The following SMIM27 variants were observed in gnomAD, a reference collection of about 807,000 sequenced individuals.
SMIM27 encodes transition zone microprotein 1.
In SMIM27, 3 loss-of-function variants were observed where a neutral mutation model predicts 1.8. The ratio of observed to expected loss-of-function variants is 1.65; its 90% CI spans 0.75 to 4.28. SMIM27 has a LOEUF of 4.28. SMIM27 is among the 30% of genes most tolerant of loss of function. SMIM27 has a pLI of 0.02. For synonymous variants in SMIM27, 19 were observed against 13.9 expected (o/e 1.37, Z -0.82); for missense variants, 63 against 37.0 (o/e 1.70, Z -1.83).
At chr9:32,558,192 A>G (rs1821525071) in intron 1 of SMIM27, among the ~76,000 whole-genome samples, 2 of 149,342 alleles carry the variant, frequency 1.3e-5, no homozygotes, top group Non-Finnish European at 3.0e-5. Context: ...GCTCACTGCA[A>G]GCTCCACCTC....
chr9:32,556,844 TAC>T (rs1375590875), downstream of SMIM27, among the ~76,000 whole-genome samples: 254 of 131,352 alleles, frequency 1.9e-3, no homozygotes, highest in Admixed American at 4.6e-3. Context: ...AGAAATCCCC[TAC>T]TTTTTTTTTT....
chr9:32,565,239 G>T (rs1158801175), intron 1 of SMIM27, among the ~76,000 whole-genome samples: 1 of 151,814 alleles, frequency 6.6e-6, no homozygotes. Context: ...GTCGCAGTGA[G>T]CCGAGATCGC....
chr9:32,556,100 T>A (rs992480434), downstream of SMIM27, among the ~76,000 whole-genome samples: 1 of 152,136 alleles, frequency 6.6e-6, no homozygotes, highest in African/African-American at 2.4e-5. Context: ...CGGGGTGCAA[T>A]GATGGAATGG....
chr9:32,553,831 G>A, downstream of SMIM27: 1 of 1,258,264 alleles, frequency 7.9e-7, no homozygotes. Flanking sequence ...TGGTAATATA[G>A]GAACAAACTT....
At chr9:32,563,526 G>A (rs1425810263) in intron 1 of SMIM27, among the ~76,000 whole-genome samples, 1 of 136,502 alleles carries the variant, frequency 7.3e-6, no homozygotes, top group Non-Finnish European at 1.6e-5. Flanking sequence ...GTCTCATTAT[G>A]TTGCCCAGGT....
At chr9:32,560,525 T>C (rs1459225827) in intron 1 of SMIM27, among the ~76,000 whole-genome samples, 1 of 152,164 alleles carries the variant, frequency 6.6e-6, no homozygotes, top group African/African-American at 2.4e-5. Flanking sequence ...TTGATCAGAG[T>C]TTGTAATGTG....
downstream of SMIM27, chr9:32,553,046 T>TA (rs1265442602): frequency 1.9e-5 from 10 of 538,492 alleles, no homozygotes; most frequent in African/African-American, 1.9e-4. Context: ...TAACAAGCAC[T>TA]AGTATGCAAA....
downstream of SMIM27, chr9:32,553,746 A>G (rs1821372313): frequency 3.0e-6 from 2 of 668,982 alleles, no homozygotes; most frequent in Non-Finnish European, 5.2e-6. Flanking sequence ...AAATTGTACA[A>G]TGCTTGAAAA....
chr9:32,552,928 T>C lies in SMIM27; in HGVS notation c.*5T>C. Reference sequence around the variant, plus strand: ...GGGACGAATGAAAATTTGTAACTCTTCTGGATTTAATTATCTGAAAATACA... The same window carrying C: ...GGGACGAATGAAAATTTGTAACTCTCCTGGATTTAATTATCTGAAAATACA... On this transcript the variant is annotated 3_prime_UTR_variant, in exon 2 of 2. Coordinates refer to ENST00000692500, the MANE Select transcript of SMIM27 (RefSeq NM_001387564.1). 1 of 700,294 alleles carries C rather than the reference T, an allele frequency of 1.4e-6. No homozygotes were observed. The highest frequency in any genetic ancestry group is 1.5e-5 in the South Asian group (1 of 66,998). 43.4% of individuals were successfully genotyped at this position (700,294 alleles called of 1,614,324 possible).
chr9:32,551,162 G>T, upstream of SMIM27: 1 of 676,020 alleles, frequency 1.5e-6, no homozygotes, highest in South Asian at 1.7e-5. Flanking sequence ...TCCAGACCCC[G>T]GAGGAGGGCA....
downstream of SMIM27, among the ~76,000 whole-genome samples, chr9:32,555,983 G>T (rs978858436): frequency 1.3e-5 from 2 of 152,220 alleles, no homozygotes; most frequent in African/African-American, 4.8e-5. Context: ...TGGGGGACAA[G>T]GATACAGTTA....
chr9:32,560,412 G>C (rs948437905), intron 1 of SMIM27, among the ~76,000 whole-genome samples: 1 of 152,142 alleles, frequency 6.6e-6, no homozygotes, highest in African/African-American at 2.4e-5. Context: ...GAAAAATGTA[G>C]TTAAATTTAG....
rs1465018409 is a variant in SMIM27, at chr9:32,559,017, T to C, written c.45+6538T>C. 13 of 1,197,214 alleles carry C rather than the reference T, an allele frequency of 1.1e-5. No individual in the cohort carries two copies. In the South Asian group the frequency reaches 1.5e-4, roughly 14 times the overall value. The allele number at this position is 1,197,214 out of a possible 1,614,324, so 74.2% of individuals were successfully genotyped here. On this transcript the variant is annotated intron_variant, in intron 1 of 1. Coordinates refer to the SMIM27 transcript ENST00000451672. ...AAGAGTTTCTTCTGAAAATAAGAAA[T>C]AGGTCATACCCCAAATTTTAACTTA... is the stretch of plus-strand genomic sequence containing the variant.
intron 1 of SMIM27, chr9:32,566,235 G>A: frequency 1.1e-6 from 1 of 922,574 alleles, no homozygotes; most frequent in Non-Finnish European, 1.8e-6. Flanking sequence ...TTTTGTGGGT[G>A]GTTTTCTTAT....
chr9:32,556,401 C>G (rs143131532), downstream of SMIM27, among the ~76,000 whole-genome samples: 147 of 152,306 alleles, frequency 9.7e-4, no homozygotes, highest in African/African-American at 3.4e-3. Flanking sequence ...ACCTCATATT[C>G]GATAGGCACG....
At chr9:32,551,381 C>A, upstream of SMIM27, 1 of 336,210 alleles carries the variant, frequency 3.0e-6, no homozygotes, top group Non-Finnish European at 5.8e-6. Flanking sequence ...TTGTACGCCT[C>A]CCGGAAGCAA....
At chr9:32,558,336 C>T (rs1012046233) in intron 1 of SMIM27, among the ~76,000 whole-genome samples, 50 of 152,108 alleles carry the variant, frequency 3.3e-4, no homozygotes, top group African/African-American at 1.2e-3. Flanking sequence ...TGGTCTCGAT[C>T]TCCTGACCTC....
At chr9:32,563,151 T>C (rs1245787514) in intron 1 of SMIM27, among the ~76,000 whole-genome samples, 2 of 152,196 alleles carry the variant, frequency 1.3e-5, no homozygotes, top group Non-Finnish European at 2.9e-5. Context: ...TGTGTTCTTA[T>C]TGCAGCCTAT....
intron 1 of SMIM27, among the ~76,000 whole-genome samples, chr9:32,558,236 C>G (rs577502512): frequency 6.6e-6 from 1 of 151,910 alleles, no homozygotes; most frequent in Non-Finnish European, 1.5e-5. Flanking sequence ...CTCAGCCTCT[C>G]GAGTAGCTGG....
Sources: allele counts gnomAD v4.1 joint callset (sites outside exome capture counted in the v4.1 genomes callset), GRCh38; gene constraint gnomAD v4.1.1; transcripts MANE v1.5; gene names NCBI Gene and HGNC (gene_info 2026-07-23, HGNC 2026-07-21).